SLC35F3: variants seen among roughly 807,000 people sequenced by gnomAD.
SLC35F3 encodes the protein solute carrier family 35 member F3, also known as putative thiamine transporter SLC35F3.
In SLC35F3, 25 loss-of-function variants were observed where a neutral mutation model predicts 49.9. That is an observed-to-expected ratio of 0.50 (90% CI 0.37 to 0.70). The LOEUF is 0.70. Among genes scored for constraint, SLC35F3 ranks in the 30% least tolerant of loss-of-function variants. SLC35F3 has a pLI of 0.00. For missense variants in SLC35F3, 525 were observed against 639.8 expected, an observed-to-expected ratio of 0.82 and a Z score of 1.94; for synonymous variants, 275 against 265.4, an observed-to-expected ratio of 1.04 and a Z score of -0.35.
intron 3 of SLC35F3, chr1:234,274,325 C>T (rs1224447205): frequency 6.6e-6 from 1 of 152,164 alleles, no homozygotes; most frequent in African/African-American, 2.4e-5. Flanking sequence ...TTGTTCGTTG[C>T]CTTCTCAGTG....
intron 2 of SLC35F3, among the ~76,000 whole-genome samples, chr1:234,088,256 G>A (rs1190545078): frequency 1.3e-5 from 2 of 152,212 alleles, no homozygotes; most frequent in Non-Finnish European, 2.9e-5. Context: ...CGCCCAGGCT[G>A]CAGTACAGTG....
chr1:234,261,069 G>C (rs968440082), intron 3 of SLC35F3, among the ~76,000 whole-genome samples: 4 of 152,006 alleles, frequency 2.6e-5, no homozygotes, highest in Admixed American at 2.6e-4. Flanking sequence ...TAAAATTTTG[G>C]CTAACACAAT....
chr1:234,272,715 A>G (rs919737305), intron 3 of SLC35F3, among the ~76,000 whole-genome samples: 2 of 151,972 alleles, frequency 1.3e-5, no homozygotes, highest in African/African-American at 4.8e-5. Context: ...AGGTTTTCCC[A>G]TTCTTTTTCC....
rs1661747222 is a variant in SLC35F3, at chr1:233,905,016, C to G, written c.-62C>G. On this transcript the variant is annotated 5_prime_UTR_variant, in exon 1 of 8. Transcript: ENST00000366618. The stretch of plus-strand genomic sequence containing the variant: ...TTCCCAGGCTAGCGGCTGCAGGGAG[C>G]TCCGGCCCGCGGCCCCTCCGCCTCA... 1 of 1,522,790 alleles carries G rather than the reference C, an allele frequency of 6.6e-7. No individual in the cohort carries two copies. 94.3% of individuals were successfully genotyped at this position (1,522,790 alleles called of 1,614,324 possible). A position where few individuals can be genotyped will look rare whatever the true frequency, so the allele number is the denominator to read the frequency against.
At chr1:234,159,982 G>A (rs537152371) in intron 2 of SLC35F3, among the ~76,000 whole-genome samples, 9 of 152,334 alleles carry the variant, frequency 5.9e-5, no homozygotes, top group African/African-American at 2.2e-4. Flanking sequence ...ATGGGGCATA[G>A]AGAAGTTAAA....
intron 2 of SLC35F3, among the ~76,000 whole-genome samples, chr1:234,053,990 A>G (rs371013569): frequency 2.6e-4 from 40 of 152,188 alleles, no homozygotes; most frequent in Non-Finnish European, 2.9e-5. Context: ...TCTGGCTTGT[A>G]GAGTTTCTGC....
At chr1:234,318,267 C>T (rs1657536716) in intron 5 of SLC35F3, among the ~76,000 whole-genome samples, 1 of 152,194 alleles carries the variant, frequency 6.6e-6, no homozygotes, top group South Asian at 2.1e-4. Context: ...TCCACTAAAA[C>T]CCATGCCATT....
At position 234,309,207 on chromosome 1, in the gene SLC35F3, C is replaced by T; in HGVS notation, c.715C>T (p.His239Tyr). 6.2e-7 allele frequency: 1 copy of T among 1,614,144 alleles called. No individual in the cohort carries two copies. The highest frequency in any genetic ancestry group is 8.5e-7 in the Non-Finnish European group (1 of 1,180,006). ...GACACTCACAAACTACCTGTACTTA[C>T]ATGCAATAAAGAAAATAAACACTAC... ...LWTLTNYLYL[H>Y]AIKKINTTDV... Residue 239 changes from histidine to tyrosine, a missense_variant, in exon 4 of 8, where the codon CAT (histidine) becomes TAT (tyrosine). Physicochemically the swap from His to Tyr is moderately conservative, Grantham distance 83 (BLOSUM62 2). This residue lies in a region of SLC35F3 where 216 missense variants were observed against 298.1 expected (regional missense o/e 0.72). Transcript: ENST00000366618.
intron 2 of SLC35F3, among the ~76,000 whole-genome samples, chr1:233,987,411 A>G (rs1051837476): frequency 1.1e-4 from 16 of 152,112 alleles, no homozygotes; most frequent in Non-Finnish European, 1.6e-4. Flanking sequence ...CTAAGTATCA[A>G]TTTATTTCCT....
intron 2 of SLC35F3, among the ~76,000 whole-genome samples, chr1:233,947,814 T>C (rs1197061904): frequency 1.4e-5 from 2 of 146,948 alleles, no homozygotes; most frequent in Non-Finnish European, 3.0e-5. Context: ...AGCAAGATGA[T>C]TTATTCTCAA....
At chr1:233,948,196 A>G (rs12751402) in intron 2 of SLC35F3, among the ~76,000 whole-genome samples, 53 of 95,114 alleles carry the variant, frequency 5.6e-4, no homozygotes, top group South Asian at 1.7e-3. Flanking sequence ...GAGGGGAGAG[A>G]GAGAGAGGGA....
intron 2 of SLC35F3, among the ~76,000 whole-genome samples, chr1:234,202,275 A>G (rs529229763): frequency 1.1e-4 from 16 of 152,148 alleles, no homozygotes; most frequent in Non-Finnish European, 1.9e-4. Context: ...AAATAGAAAT[A>G]AAATAAAATA....
intron 2 of SLC35F3, among the ~76,000 whole-genome samples, chr1:234,112,572 T>A (rs1281965859): frequency 6.7e-6 from 1 of 149,176 alleles, no homozygotes; most frequent in African/African-American, 2.4e-5. Flanking sequence ...TTTTTTTTTT[T>A]TGAGACAGAG....
intron 2 of SLC35F3, among the ~76,000 whole-genome samples, chr1:234,166,650 C>T (rs1342027693): frequency 6.6e-6 from 1 of 152,188 alleles, no homozygotes; most frequent in Non-Finnish European, 1.5e-5. Flanking sequence ...ATCCCCTAAA[C>T]TTCTGTGTCC....
chr1:234,304,391 G>A (rs1668745689), intron 3 of SLC35F3, among the ~76,000 whole-genome samples: 1 of 152,034 alleles, frequency 6.6e-6, no homozygotes, highest in Admixed American at 6.6e-5. Context: ...TTGAACTCCT[G>A]ACCTCAAGTG....
intron 2 of SLC35F3, among the ~76,000 whole-genome samples, chr1:234,016,860 A>G (rs866037223): frequency 1.3e-5 from 2 of 152,148 alleles, no homozygotes; most frequent in Non-Finnish European, 2.9e-5. Context: ...CGCTTACACC[A>G]CTAACACCAC....
intron 3 of SLC35F3, among the ~76,000 whole-genome samples, chr1:234,288,455 G>C (rs898980211): frequency 1.3e-5 from 2 of 152,190 alleles, no homozygotes; most frequent in African/African-American, 2.4e-5. Flanking sequence ...AGTCAGACTA[G>C]TCGCTGTGTC....
intron 2 of SLC35F3, among the ~76,000 whole-genome samples, chr1:233,932,588 G>A (rs748990416): frequency 5.3e-5 from 8 of 152,162 alleles, no homozygotes; most frequent in Non-Finnish European, 1.0e-4. Flanking sequence ...GGGTATGCAC[G>A]TATGTAAGAA....
intron 2 of SLC35F3, among the ~76,000 whole-genome samples, chr1:234,099,478 C>T (rs912781487): frequency 2.6e-5 from 4 of 151,838 alleles, no homozygotes; most frequent in Non-Finnish European, 4.4e-5. Context: ...GGTGTGGTGG[C>T]GGGAGCCTGC....
Sources: gnomAD v4.1 joint callset for allele counts (sites outside exome capture counted in the v4.1 genomes callset) on GRCh38, gnomAD v4.1.1 for gene constraint, gnomAD v4.1.1 regional missense constraint, MANE v1.5 for transcripts, NCBI Gene and HGNC (gene_info 2026-07-23, HGNC 2026-07-21) for gene names.